ANO3: variants seen among roughly 807,000 people sequenced by gnomAD.
ANO3 encodes anoctamin-3.
A neutral mutation model predicts 144.8 loss-of-function variants in ANO3; 99 were observed. The observed-to-expected ratio is 0.68, with a 90% CI of 0.58 to 0.81. The LOEUF is 0.81. Among genes scored for constraint, ANO3 ranks in the 30% least tolerant of loss-of-function variants. The probability of loss-of-function intolerance (pLI) is 0.00; values close to 1 mark genes in which losing one functional copy is unlikely to be tolerated. For missense variants in ANO3, 905 were observed against 1,202.2 expected, an observed-to-expected ratio of 0.75 and a Z score of 3.66; for synonymous variants, 414 against 392.6, an observed-to-expected ratio of 1.05 and a Z score of -0.64.
chr11:26,285,009 C>A (rs11824243), intron 1 of ANO3, among the ~76,000 whole-genome samples: 9,110 of 152,178 alleles, frequency 0.06, 502 homozygotes, highest in African/African-American at 0.14. Flanking sequence ...TCAAGCCTGC[C>A]AATTTGGAAC....
intron 3 of ANO3, among the ~76,000 whole-genome samples, chr11:26,448,138 A>G (rs1858773580): frequency 1.3e-5 from 2 of 152,046 alleles, no homozygotes; most frequent in African/African-American, 4.8e-5. Context: ...CATCTTTACT[A>G]AAAATACAAA....
chr11:26,236,830 A>C (rs1564929049), intron 1 of ANO3, among the ~76,000 whole-genome samples: 2 of 151,836 alleles, frequency 1.3e-5, no homozygotes, highest in African/African-American at 4.8e-5. Flanking sequence ...AAAAAAAAAA[A>C]AAAAAAAGAA....
chr11:26,445,662 A>C (rs769583492), intron 3 of ANO3, among the ~76,000 whole-genome samples: 1 of 152,046 alleles, frequency 6.6e-6, no homozygotes, highest in African/African-American at 2.4e-5. Context: ...TAAAATACAT[A>C]CAAATGATGA....
At chr11:26,411,698 A>G (rs1857438108) in intron 1 of ANO3, among the ~76,000 whole-genome samples, 1 of 150,450 alleles carries the variant, frequency 6.6e-6, no homozygotes, top group African/African-American at 2.4e-5. Flanking sequence ...AAGTATGGCA[A>G]TATTAGATGA....
chr11:26,326,286 C>A (rs1854880339), intron 1 of ANO3, among the ~76,000 whole-genome samples: 2 of 151,832 alleles, frequency 1.3e-5, no homozygotes, highest in Admixed American at 6.6e-5. Context: ...AAAAGGCAAC[C>A]CAGAACATAA....
intron 17 of ANO3, 94 bp from the exon 18 acceptor site, chr11:26,624,368 A>G: frequency 1.2e-6 from 1 of 852,874 alleles, no homozygotes; most frequent in Non-Finnish European, 1.9e-6. Context: ...ACCACTGTAT[A>G]ACATACATTA....
chr11:26,295,851 G>A (rs146911835), intron 1 of ANO3, among the ~76,000 whole-genome samples: 1 of 152,194 alleles, frequency 6.6e-6, no homozygotes, highest in Non-Finnish European at 1.5e-5. Flanking sequence ...TCCCACCTAT[G>A]TTGTCACCCT....
chr11:26,462,942 A>G, intron 3 of ANO3, 88 bp from the exon 4 acceptor site: 1 of 592,812 alleles, frequency 1.7e-6, no homozygotes, highest in Non-Finnish European at 2.8e-6. Flanking sequence ...AAACTCTGGG[A>G]AAACATGAAA....
At chr11:26,589,915 G>T (rs1851394850) in intron 14 of ANO3, among the ~76,000 whole-genome samples, 1 of 152,058 alleles carries the variant, frequency 6.6e-6, no homozygotes, top group Non-Finnish European at 1.5e-5. Flanking sequence ...TCAACATTTG[G>T]TTTCTACTGA....
intron 1 of ANO3, among the ~76,000 whole-genome samples, chr11:26,254,327 C>T (rs1359638708): frequency 2.0e-5 from 3 of 151,848 alleles, no homozygotes; most frequent in Admixed American, 6.6e-5. Context: ...GACCTCAAAT[C>T]GAGAAAAGGT....
chr11:26,324,204 G>A (rs1564964991), intron 1 of ANO3, among the ~76,000 whole-genome samples: 1 of 152,204 alleles, frequency 6.6e-6, no homozygotes, highest in African/African-American at 2.4e-5. Flanking sequence ...ATCTGGCAAT[G>A]AGCTGTTCAT....
chr11:26,424,177 T>C (rs1013680705), intron 1 of ANO3, among the ~76,000 whole-genome samples: 1 of 151,630 alleles, frequency 6.6e-6, no homozygotes, highest in Non-Finnish European at 1.5e-5. Flanking sequence ...TTTTTTTTAC[T>C]CTTATAAATA....
chr11:26,376,745 G>T (rs1437710163), intron 1 of ANO3, among the ~76,000 whole-genome samples: 1 of 152,074 alleles, frequency 6.6e-6, no homozygotes, highest in Non-Finnish European at 1.5e-5. Context: ...AGTAATTTGT[G>T]GAGTAAACGG....
At chr11:26,561,299 A>AT (rs1850283055) in intron 14 of ANO3, 1 of 1,122,790 alleles carries the variant, frequency 8.9e-7, no homozygotes, top group Non-Finnish European at 1.2e-6. Context: ...CCACCAAGTT[A>AT]TAGGAATTAT....
intron 14 of ANO3, chr11:26,560,095 A>G (rs1368046438): frequency 8.3e-6 from 2 of 241,086 alleles, no homozygotes; most frequent in Non-Finnish European, 1.6e-5. Flanking sequence ...TTCTTATATT[A>G]TTGATTATGA....
intron 4 of ANO3, among the ~76,000 whole-genome samples, chr11:26,488,584 G>A (rs899178416): frequency 6.6e-6 from 1 of 152,154 alleles, no homozygotes; most frequent in Non-Finnish European, 1.5e-5. Context: ...CTGACTTCAG[G>A]AGTGAAGCCG....
At position 26,341,648 on chromosome 11, in the gene ANO3, G is replaced by A. The variant is rs144979566; in HGVS notation, c.46+9327G>A. On this transcript the variant is annotated intron_variant, in intron 1 of 26. Transcript: ENST00000256737. Reference sequence around the variant, plus strand: ...GTTTATTAAGGAGAATTGACTCACAGGATCACAAGGTAAAGTCCCATGATA... The same window carrying A: ...GTTTATTAAGGAGAATTGACTCACAAGATCACAAGGTAAAGTCCCATGATA... Among the ~76,000 whole-genome samples, 972 of 152,298 alleles carry A rather than the reference G, an allele frequency of 6.4e-3. 6 individuals carry two copies. The highest frequency in any genetic ancestry group is 0.014 in the Middle Eastern group (4 of 294).
rs140690892 is a variant in ANO3, at chr11:26,531,984, T to G, written c.869+648T>G. Among the ~76,000 whole-genome samples the G allele has an allele frequency of 3.0e-3, 463 of 152,244 alleles. 1 individual carries two copies. The highest frequency in any genetic ancestry group is 6.8e-3 in the Middle Eastern group (2 of 294). ...CAGTCTAATGGGGCAGACAAAAATG[T>G]AAATTTATAATTAACTGGGGTAAAC... On this transcript the variant is annotated intron_variant, in intron 8 of 26. Transcript: ENST00000256737.
intron 1 of ANO3, among the ~76,000 whole-genome samples, chr11:26,237,730 A>G (rs1488217302): frequency 2.6e-5 from 4 of 152,082 alleles, no homozygotes; most frequent in Non-Finnish European, 5.9e-5. Context: ...TTTGTAAACT[A>G]AAAATACTTA....
Sources: gnomAD v4.1 joint callset for allele counts (sites outside exome capture counted in the v4.1 genomes callset) on GRCh38, gnomAD v4.1.1 for gene constraint, MANE v1.5 for transcripts, NCBI Gene and HGNC (gene_info 2026-07-23, HGNC 2026-07-21) for gene names.